Variants in UEVLD observed in about 807,000 individuals in gnomAD.
UEVLD encodes the protein ubiquitin-conjugating enzyme E2 variant 3.
A neutral mutation model predicts 58.6 loss-of-function variants in UEVLD; 47 were observed. The observed-to-expected ratio is 0.80, with a 90% CI of 0.63 to 1.02. The LOEUF (loss-of-function observed/expected upper bound fraction) is 1.02, where lower values mean the gene tolerates loss of function less well. UEVLD is among the 50% of genes least tolerant of loss of function. The probability of loss-of-function intolerance (pLI) is 0.00; values close to 1 mark genes in which losing one functional copy is unlikely to be tolerated. For missense variants in UEVLD, 510 were observed against 550.6 expected (o/e 0.93, Z 0.74); for synonymous variants, 197 against 195.3 (o/e 1.01, Z -0.07).
chr11:18,557,244 C>T (rs1430238464), intron 7 of UEVLD, among the ~76,000 whole-genome samples: 2 of 151,920 alleles, frequency 1.3e-5, no homozygotes, highest in Non-Finnish European at 2.9e-5. Context: ...CTCCGCATCC[C>T]GGGTTCACAC....
At chr11:18,535,426 C>A (rs1850751237) in intron 10 of UEVLD, among the ~76,000 whole-genome samples, 1 of 152,106 alleles carries the variant, frequency 6.6e-6, no homozygotes. Flanking sequence ...TAAATTTCTT[C>A]CTTTTAAAAA....
rs1259629745 is a variant in UEVLD at position 18,536,106 on chromosome 11, C to T, written c.1124+300G>A. On this transcript the variant is annotated intron_variant, in intron 10 of 11. Transcript: ENST00000396197. ...CCGAGATCGCGCCACTGCACTCCAG[C>T]CTGGTGACAGAGTGGGGCTCAGATG... Among the ~76,000 whole-genome samples, 3 of 152,204 alleles carry T rather than the reference C, an allele frequency of 2.0e-5. No individual in the cohort carries two copies. The East Asian group carries it at 5.8e-4, about 29-fold the overall frequency.
At chr11:18,561,423 C>T (rs1172002881) in intron 6 of UEVLD, among the ~76,000 whole-genome samples, 1 of 151,156 alleles carries the variant, frequency 6.6e-6, no homozygotes, top group East Asian at 2.0e-4. Context: ...ACAGTGAAAT[C>T]CCATGTCAAC....
chr11:18,575,558 A>G, intron 2 of UEVLD, 146 bp from the exon 3 acceptor site: 1 of 753,562 alleles, frequency 1.3e-6, no homozygotes, highest in Non-Finnish European at 2.1e-6. Context: ...AGGAATCGGT[A>G]AATCTGTCAA....
At chr11:18,568,108 G>T (rs1424125926) in intron 4 of UEVLD, among the ~76,000 whole-genome samples, 1 of 152,174 alleles carries the variant, frequency 6.6e-6, no homozygotes, top group Non-Finnish European at 1.5e-5. Flanking sequence ...TTGTGCTACT[G>T]CACTCCAGCA....
At chr11:18,545,075 T>TCTATATCTATATATATATA (rs60959151) in intron 8 of UEVLD, among the ~76,000 whole-genome samples, 1 of 117,228 alleles carries the variant, frequency 8.5e-6, no homozygotes, top group African/African-American at 3.6e-5. Flanking sequence ...TATATCTATA[T>TCTATATCTATATATATATA]TTTTTTTTTT....
intron 10 of UEVLD, 63 bp downstream of exon 10, chr11:18,536,343 A>T: frequency 6.9e-7 from 1 of 1,459,676 alleles, no homozygotes; most frequent in Non-Finnish European, 9.6e-7. Flanking sequence ...CTGTATAAAT[A>T]GCTGTTAGCT....
At chr11:18,587,085 T>C (rs910033137) in intron 1 of UEVLD, among the ~76,000 whole-genome samples, 2 of 152,126 alleles carry the variant, frequency 1.3e-5, no homozygotes, top group African/African-American at 2.4e-5. Flanking sequence ...CTCTATGCTA[T>C]GCACTGATGG....
intron 7 of UEVLD, among the ~76,000 whole-genome samples, chr11:18,556,659 CT>C (rs929409421): frequency 6.6e-6 from 1 of 152,048 alleles, no homozygotes; most frequent in East Asian, 1.9e-4. Flanking sequence ...GTTCAGTGGC[CT>C]TTTTTCTTTT....
At chr11:18,586,972 C>T (rs1238488070) in intron 1 of UEVLD, among the ~76,000 whole-genome samples, 2 of 152,150 alleles carry the variant, frequency 1.3e-5, no homozygotes, top group Admixed American at 1.3e-4. Flanking sequence ...GCGGAGATGG[C>T]AGTGAGCAGA....
At chr11:18,573,578 G>A (rs1590364906) in intron 3 of UEVLD, among the ~76,000 whole-genome samples, 1 of 152,172 alleles carries the variant, frequency 6.6e-6, no homozygotes, top group Non-Finnish European at 1.5e-5. Context: ...ACTTCACTCT[G>A]CAATCTCTGC....
At position 18,566,392 on chromosome 11, in the gene UEVLD, C is replaced by T; in HGVS notation, c.448G>A (p.Ala150Thr). ...PMYSLSSSDE[A>T]RQVDLLAYIA... The stretch of plus-strand genomic sequence containing the variant: ...TAGGCTAGCAAGTCTACCTGCCGTG[C>T]CTCATCAGATGATGATAGAGAATAC... Residue 150 changes from alanine to threonine, a missense_variant, in exon 5 of 12, where the codon GCA becomes ACA. By Grantham distance (58) the Ala-to-Thr change is moderately conservative (BLOSUM62 0). Transcript: ENST00000396197. The T allele has an allele frequency of 1.7e-5, 27 of 1,614,092 alleles. No homozygotes were observed. Among genetic ancestry groups the T allele is most frequent in the Non-Finnish European group, 2.1e-5 (25 of 1,180,012 alleles).
chr11:18,544,786 C>A lies in UEVLD; in HGVS notation c.897G>T (p.Met299Ile). The change falls in exon 9 of 12, where the codon ATG becomes ATT. Residue 299 changes from methionine (M) to isoleucine (I), a missense_variant. Met to Ile is a conservative substitution (Grantham distance 10). Coordinates refer to ENST00000396197, the MANE Select transcript of UEVLD (RefSeq NM_001040697.4). Reference protein sequence around the residue: ...LLVASQPVEIMTYVTWKLSTF... With the variant: ...LLVASQPVEIITYVTWKLSTF... ...TACTCAGTTTCCATGTTACATAGGT[C>A]ATGATTTCCACTAAATATTGCATAC... 1 of 1,530,066 alleles carries A rather than the reference C, an allele frequency of 6.5e-7. No individual in the cohort carries two copies. Among genetic ancestry groups the A allele is most frequent in the South Asian group, 1.3e-5 (1 of 77,146 alleles). 94.8% of individuals were successfully genotyped at this position (1,530,066 alleles called of 1,614,324 possible).
At chr11:18,587,461 A>C (rs1853636404) in intron 1 of UEVLD, among the ~76,000 whole-genome samples, 1 of 152,200 alleles carries the variant, frequency 6.6e-6, no homozygotes, top group South Asian at 2.1e-4. Flanking sequence ...GTATAACAAA[A>C]ATGGCATAAA....
At chr11:18,553,316 A>G (rs1004592968) in intron 7 of UEVLD, among the ~76,000 whole-genome samples, 21 of 150,744 alleles carry the variant, frequency 1.4e-4, no homozygotes, top group Non-Finnish European at 2.8e-4. Flanking sequence ...TCAGAGCAAG[A>G]CTCTGTCTCA....
chr11:18,536,011 G>C (rs1267001464), intron 10 of UEVLD, among the ~76,000 whole-genome samples: 1 of 152,188 alleles, frequency 6.6e-6, no homozygotes, highest in Non-Finnish European at 1.5e-5. Context: ...GCGCATGCCT[G>C]TAATTCCAGC....
At chr11:18,547,183 T>C in intron 7 of UEVLD, 133 bp from the exon 8 acceptor site, 1 of 853,172 alleles carries the variant, frequency 1.2e-6, no homozygotes, top group Non-Finnish European at 1.8e-6. Flanking sequence ...CAACCCCAGA[T>C]CCACAAAAGC....
intron 4 of UEVLD, among the ~76,000 whole-genome samples, chr11:18,568,574 T>C (rs867212966): frequency 3.3e-4 from 51 of 152,334 alleles, no homozygotes; most frequent in African/African-American, 1.2e-3. Flanking sequence ...GCCCCATTCA[T>C]CACATTTAAC....
chr11:18,569,112 T>A (rs1159680542), intron 4 of UEVLD, among the ~76,000 whole-genome samples: 2 of 152,154 alleles, frequency 1.3e-5, no homozygotes, highest in Non-Finnish European at 2.9e-5. Flanking sequence ...GCCAAGATGG[T>A]CTCGATCTCC....
Sources: allele counts gnomAD v4.1 joint callset (sites outside exome capture counted in the v4.1 genomes callset), GRCh38; gene constraint gnomAD v4.1.1; transcripts MANE v1.5; gene names NCBI Gene and HGNC (gene_info 2026-07-23, HGNC 2026-07-21).